Variants in PRKN observed in about 807,000 individuals in gnomAD.
PRKN encodes the protein parkin RBR E3 ubiquitin protein ligase.
A neutral mutation model predicts 59.5 loss-of-function variants in PRKN; 56 were observed. That is an observed-to-expected ratio of 0.94 (90% confidence interval 0.76 to 1.18). The LOEUF (loss-of-function observed/expected upper bound fraction) is 1.18. Ranked by LOEUF, PRKN falls within the 50% of genes most tolerant of loss-of-function variation. The pLI is 0.00. For synonymous variants in PRKN, 250 were observed against 222.1 expected (o/e 1.13, Z -1.12); for missense variants, 657 against 596.4 (o/e 1.10, Z -1.06).
intron 1 of PRKN, among the ~76,000 whole-genome samples, chr6:162,461,619 A>G (rs1254740979): frequency 1.3e-5 from 2 of 151,512 alleles, no homozygotes; most frequent in Admixed American, 1.3e-4. Context: ...TCAAGAGTTC[A>G]AGACCAGCCT....
rs148996477 is a variant in PRKN at position 162,573,811 on chromosome 6, A to G, written c.8-130338T>C. ...ACTTATTCTGAATTATGATTTATAT[A>G]TTCTGAATTGTGATCATTTATGTAA... On this transcript the variant is annotated intron_variant, in intron 1 of 11. Coordinates refer to ENST00000366898, the MANE Select transcript of PRKN (RefSeq NM_004562.3). 2.8e-3 allele frequency among the ~76,000 whole-genome samples: 430 copies of G among 152,326 alleles called. 2 individuals carry two copies. The highest frequency in any genetic ancestry group is 6.8e-3 in the Middle Eastern group (2 of 294).
In PRKN at chr6:161,350,224, G is replaced by T; in HGVS notation, c.1286-13C>A. 1 of 1,596,398 alleles carries T rather than the reference G, an allele frequency of 6.3e-7. No individual in the cohort carries two copies. The highest frequency in any genetic ancestry group is 8.6e-7 in the Non-Finnish European group (1 of 1,165,646). ...TGCATGCAGCCTCCTGTTGGGGGCAGAAAACAAAGGTGTGGTGGGTTCGCA... is the reference window on the plus strand; with the variant it reads ...TGCATGCAGCCTCCTGTTGGGGGCATAAAACAAAGGTGTGGTGGGTTCGCA... On this transcript the variant is annotated splice_polypyrimidine_tract_variant and intron_variant, in intron 11 of 11. Transcript: ENST00000366898.
At chr6:162,156,799 T>C (rs1310084219) in intron 4 of PRKN, among the ~76,000 whole-genome samples, 1 of 152,136 alleles carries the variant, frequency 6.6e-6, no homozygotes, top group East Asian at 1.9e-4. Flanking sequence ...CACCCTTGAT[T>C]AGCAGACAAT....
chr6:162,184,688 T>C (rs917997276), intron 4 of PRKN, among the ~76,000 whole-genome samples: 10 of 152,164 alleles, frequency 6.6e-5, no homozygotes, highest in Non-Finnish European at 1.3e-4. Context: ...TATTTCTTCA[T>C]AGCAGCGTGA....
intron 2 of PRKN, among the ~76,000 whole-genome samples, chr6:162,312,568 T>C (rs1034691513): frequency 6.6e-6 from 1 of 152,100 alleles, no homozygotes; most frequent in African/African-American, 2.4e-5. Flanking sequence ...CCATTATTAA[T>C]TACTCGTTAG....
At chr6:162,530,343 A>AGGGGCTAGATTTAG (rs370345230) in intron 1 of PRKN, among the ~76,000 whole-genome samples, 258 of 152,212 alleles carry the variant, frequency 1.7e-3, no homozygotes, top group African/African-American at 6.0e-3. Context: ...AGACTCACTT[A>AGGGGCTAGATTTAG]GGGGCTAGAT....
chr6:162,645,055 T>C (rs976911258), intron 1 of PRKN, among the ~76,000 whole-genome samples: 2 of 152,200 alleles, frequency 1.3e-5, no homozygotes, highest in Non-Finnish European at 2.9e-5. Flanking sequence ...CCGTGGCTTA[T>C]TAATAGAGTA....
intron 2 of PRKN, among the ~76,000 whole-genome samples, chr6:162,314,141 G>A (rs951972995): frequency 1.4e-4 from 21 of 152,190 alleles, no homozygotes; most frequent in African/African-American, 4.6e-4. Flanking sequence ...TTCCCATGCA[G>A]AATTAATCTG....
intron 1 of PRKN, among the ~76,000 whole-genome samples, chr6:162,667,968 T>G (rs1221009499): frequency 1.3e-5 from 2 of 152,160 alleles, no homozygotes; most frequent in South Asian, 4.1e-4. Flanking sequence ...TAAGCACAAT[T>G]ACTTATTTTC....
At chr6:162,079,987 T>C (rs9458452) in intron 4 of PRKN, among the ~76,000 whole-genome samples, 57,946 of 151,908 alleles carry the variant, frequency 0.38, 11,745 homozygotes, top group Admixed American at 0.49. Context: ...AAGGTCCAGG[T>C]TGACACATTT....
chr6:161,596,806 C>T lies in PRKN; in HGVS notation c.872-27390G>A, dbSNP rs1338786271. 3.9e-5 allele frequency among the ~76,000 whole-genome samples: 6 copies of T among 152,318 alleles called. No homozygotes were observed. In the East Asian group the frequency reaches 9.6e-4, roughly 24 times the overall value. Reference sequence around the variant, plus strand: ...GCTGACCAACTCCTATCTTTGCCTACACAATAGTTCTCTACCTCTTTCTTC... The same window carrying T: ...GCTGACCAACTCCTATCTTTGCCTATACAATAGTTCTCTACCTCTTTCTTC... On this transcript the variant is annotated intron_variant, in intron 7 of 11. Transcript: ENST00000366898.
chr6:161,389,780 C>T (rs1474665619), intron 9 of PRKN, among the ~76,000 whole-genome samples: 2 of 152,092 alleles, frequency 1.3e-5, no homozygotes, highest in African/African-American at 2.4e-5. Context: ...AAAGGGAAAA[C>T]CGTTCACATC....
chr6:161,823,601 T>C (rs1192598413), intron 6 of PRKN, among the ~76,000 whole-genome samples: 1 of 152,146 alleles, frequency 6.6e-6, no homozygotes, highest in African/African-American at 2.4e-5. Flanking sequence ...AAGGATGGTA[T>C]TACAGATTTG....
intron 1 of PRKN, among the ~76,000 whole-genome samples, chr6:162,574,622 A>G (rs9456797): frequency 0.31 from 46,607 of 152,054 alleles, 7,597 homozygotes; most frequent in East Asian, 0.48. Flanking sequence ...TTCTCAAAAT[A>G]GGATGGCCGT....
intron 1 of PRKN, among the ~76,000 whole-genome samples, chr6:162,659,507 A>T (rs779155826): frequency 2.0e-5 from 3 of 152,196 alleles, no homozygotes; most frequent in African/African-American, 4.8e-5. Context: ...ACAAGAATTG[A>T]TGAATTCATC....
chr6:162,146,514 T>G, intron 4 of PRKN, among the ~76,000 whole-genome samples: 1 of 140,328 alleles, frequency 7.1e-6, no homozygotes, highest in African/African-American at 2.5e-5. Context: ...ATATATAAAT[T>G]TTTTTTTTCT....
intron 6 of PRKN, among the ~76,000 whole-genome samples, chr6:161,880,007 C>A (rs993150786): frequency 1.3e-5 from 2 of 152,066 alleles, no homozygotes; most frequent in Non-Finnish European, 2.9e-5. Context: ...GGTTCCTCAG[C>A]AAAGAAGCTT....
chr6:162,395,248 A>G (rs1462353918), intron 2 of PRKN, among the ~76,000 whole-genome samples: 2 of 152,214 alleles, frequency 1.3e-5, no homozygotes, highest in African/African-American at 4.8e-5. Flanking sequence ...CAGCAGTAAC[A>G]ATATGTGCTA....
At chr6:161,929,948 G>C (rs572463168) in intron 6 of PRKN, among the ~76,000 whole-genome samples, 2 of 152,318 alleles carry the variant, frequency 1.3e-5, no homozygotes, top group East Asian at 3.9e-4. Flanking sequence ...AAACAAGGAA[G>C]GTGTTCCCTT....
Sources: allele counts gnomAD v4.1 joint callset (sites outside exome capture counted in the v4.1 genomes callset), GRCh38; gene constraint gnomAD v4.1.1; transcripts MANE v1.5; gene names NCBI Gene and HGNC (gene_info 2026-07-23, HGNC 2026-07-21).